Variants in SPTB observed in about 807,000 individuals in gnomAD.
SPTB encodes spectrin beta, erythrocytic.
A neutral mutation model predicts 256.2 loss-of-function variants in SPTB; 45 were observed. That is an observed-to-expected ratio of 0.18 (90% CI 0.14 to 0.23). SPTB has a LOEUF of 0.23. Ranked by LOEUF, SPTB falls within the 10% of genes least tolerant of loss-of-function variation. The pLI, the probability that SPTB is intolerant of heterozygous loss-of-function variation, is 1.00. For missense variants in SPTB, 2,715 were observed against 3,040.4 expected, an observed-to-expected ratio of 0.89 and a Z score of 2.52; for synonymous variants, 1,231 against 1,243.1, an observed-to-expected ratio of 0.99 and a Z score of 0.21.
At chr14:64,808,718 C>A (rs1269645297) in intron 2 of SPTB, among the ~76,000 whole-genome samples, 2 of 152,106 alleles carry the variant, frequency 1.3e-5, no homozygotes, top group East Asian at 3.9e-4. Flanking sequence ...TCAAACCCAC[C>A]AATTAACTTT....
At chr14:64,822,818 C>T (rs1566787338) in intron 2 of SPTB, 129 bp downstream of exon 2, 1 of 1,432,924 alleles carries the variant, frequency 7.0e-7, no homozygotes, top group Non-Finnish European at 9.8e-7. Flanking sequence ...CTGAGCCCGA[C>T]AAACACGTCT....
chr14:64,791,514 C>T (rs1323011957), intron 15 of SPTB, among the ~76,000 whole-genome samples: 2 of 138,636 alleles, frequency 1.4e-5, no homozygotes, highest in Admixed American at 7.7e-5. Context: ...TGCAGTGAGC[C>T]GAGATCGCAC....
Position 64,749,532 on chromosome 14 carries a change from C to G in SPTB, c.6820-59G>C. The G allele has an allele frequency of 6.9e-6, 11 of 1,599,634 alleles. No homozygotes were observed. The highest frequency in any genetic ancestry group is 9.3e-6 in the Non-Finnish European group (11 of 1,177,734). On this transcript the variant is annotated intron_variant, in intron 35 of 35. Transcript: ENST00000644917. The surrounding 1 kb of genome is among the most constrained non-coding windows in gnomAD (Gnocchi z 4.7). ...GCCCACAGCCCCCCACCTCCCGGGC[C>G]AGGCAACAATGGTGGGGGCTCTTGG...
At chr14:64,800,734 T>C (rs1309885159) in intron 8 of SPTB, 22 bp downstream of exon 8, 1 of 1,603,024 alleles carries the variant, frequency 6.2e-7, no homozygotes, top group South Asian at 1.1e-5. Flanking sequence ...GAGTGACACT[T>C]TGGTTCCAAA....
Position 64,795,021 on chromosome 14 carries a change from G to C in SPTB, c.1644+316C>G, listed in dbSNP as rs2082740127. On this transcript the variant is annotated intron_variant, in intron 12 of 35. Transcript: ENST00000644917. The surrounding 1 kb of genome is among the most constrained non-coding windows in gnomAD (Gnocchi z 6.5). ...ACCAGAGTCAAATTGTAATTACTAAGAGCTTGATTCTCCAGGTTCCTGATT... is the reference window on the plus strand; with the variant it reads ...ACCAGAGTCAAATTGTAATTACTAACAGCTTGATTCTCCAGGTTCCTGATT... Among the ~76,000 whole-genome samples, 1 of 152,208 alleles carries C rather than the reference G, an allele frequency of 6.6e-6. No homozygotes were observed.
At chr14:64,811,468 T>C (rs1244139181) in intron 2 of SPTB, among the ~76,000 whole-genome samples, 5 of 152,248 alleles carry the variant, frequency 3.3e-5, no homozygotes, top group Admixed American at 6.5e-5. Flanking sequence ...ATATCAAGTG[T>C]ATATTAGGTT....
At position 64,785,740 on chromosome 14, in the gene SPTB, C is replaced by T. The variant is rs150423485; in HGVS notation, c.3764+9G>A. On this transcript the variant is annotated intron_variant, in intron 17 of 35. Coordinates refer to ENST00000644917, the MANE Select transcript of SPTB (RefSeq NM_001355436.2). The surrounding 1 kb of genome is among the most constrained non-coding windows in gnomAD (Gnocchi z 4.4). ...CTGGGGGCCTCGTGGCCCTGGGGCC[C>T]GGGAGTACCTGTCCTCAATCAGCTG... 9.9e-4 allele frequency: 1,603 copies of T among 1,614,050 alleles called. 17 individuals are homozygous for T. The African/African-American group carries it at 0.018, about 19-fold the overall frequency.
chr14:64,868,501 C>T (rs565393994), intron 1 of SPTB, among the ~76,000 whole-genome samples: 7 of 152,294 alleles, frequency 4.6e-5, no homozygotes, highest in African/African-American at 1.7e-4. Context: ...AGGACAGCAG[C>T]AGACTGCTGT....
chr14:64,767,229 G>A, intron 31 of SPTB, 74 bp downstream of exon 31: 1 of 1,587,352 alleles, frequency 6.3e-7, no homozygotes, highest in Non-Finnish European at 8.6e-7. Flanking sequence ...CCAATGTCAG[G>A]TTTCTGATGA....
At chr14:64,761,406 G>A (rs2082092082) in intron 32 of SPTB, among the ~76,000 whole-genome samples, 1 of 152,206 alleles carries the variant, frequency 6.6e-6, no homozygotes, top group Admixed American at 6.5e-5. Context: ...AGCCAGGGCG[G>A]GGAGCTGAGG....
chr14:64,858,196 C>T (rs755765945), intron 1 of SPTB, among the ~76,000 whole-genome samples: 5 of 152,180 alleles, frequency 3.3e-5, no homozygotes, highest in Non-Finnish European at 5.9e-5. Flanking sequence ...ATGAAGTCAC[C>T]TCACGAGGAA....
At chr14:64,814,076 A>G (rs901693206) in intron 2 of SPTB, among the ~76,000 whole-genome samples, 2 of 152,226 alleles carry the variant, frequency 1.3e-5, no homozygotes, top group African/African-American at 4.8e-5. Context: ...GGGTGATTCT[A>G]AGATGGAACT....
chr14:64,853,929 C>T lies in SPTB; in HGVS notation c.-52+25863G>A, dbSNP rs1023732813. On this transcript the variant is annotated intron_variant, in intron 1 of 35. Coordinates refer to ENST00000644917, the MANE Select transcript of SPTB (RefSeq NM_001355436.2). This position sits in a 1 kb window ranked among gnomAD's most constrained non-coding sequence, Gnocchi z 4.3. ...ATCACTGGCCAGCCGCGGTGGCTCA[C>T]GCCTGTAATCCCAGTACTTTGGGAG... 2.0e-5 allele frequency among the ~76,000 whole-genome samples: 3 copies of T among 152,140 alleles called. No homozygotes were observed. Among genetic ancestry groups the T allele is most frequent in the South Asian group, 2.1e-4 (1 of 4,830 alleles).
chr14:64,775,209 T>C lies in SPTB; in HGVS notation c.4758A>G (p.Ala1586=), dbSNP rs2082338329. The C allele has an allele frequency of 6.2e-7, 1 of 1,613,790 alleles. No individual in the cohort carries two copies. Among genetic ancestry groups the C allele is most frequent in the African/African-American group, 1.3e-5 (1 of 74,948 alleles). ...RLQRLRDANE[A]QQYYLDADEA... is the part of the protein sequence containing the mutation. ...CGTCTGCATCCAGGTAGTACTGCTG[T>C]GCCTCGTTGGCGTCCCTCAGTCGCT... The change falls in exon 23 of 36, where the codon GCA becomes GCG. Residue 1586 remains alanine (A), a synonymous_variant. Coordinates refer to ENST00000644917, the MANE Select transcript of SPTB (RefSeq NM_001355436.2). The surrounding 1 kb of genome is among the most constrained non-coding windows in gnomAD (Gnocchi z 5.0).
intron 1 of SPTB, among the ~76,000 whole-genome samples, chr14:64,879,290 G>A (rs1882991537): frequency 6.6e-6 from 1 of 152,180 alleles, no homozygotes; most frequent in African/African-American, 2.4e-5. Context: ...TGTCCCTCCT[G>A]CCTGGGCGCT....
rs898815247 is a variant in SPTB at position 64,827,015 on chromosome 14, T to C, written c.-51-3870A>G. On this transcript the variant is annotated intron_variant, in intron 1 of 35. Transcript: ENST00000644917. This position sits in a 1 kb window ranked among gnomAD's most constrained non-coding sequence, Gnocchi z 4.6. Reference sequence around the variant, plus strand: ...ACAGCTCCAACCTTCACATCCGCCTTTGAGGTCCGATGCTAGGCTCAGAGC... The same window carrying C: ...ACAGCTCCAACCTTCACATCCGCCTCTGAGGTCCGATGCTAGGCTCAGAGC... 6.6e-6 allele frequency among the ~76,000 whole-genome samples: 1 copy of C among 152,162 alleles called. No individual in the cohort carries two copies. Among genetic ancestry groups the C allele is most frequent in the African/African-American group, 2.4e-5 (1 of 41,428 alleles).
At position 64,802,012 on chromosome 14, in the gene SPTB, C is replaced by T. The variant is rs1594792918; in HGVS notation, c.567-178G>A. On this transcript the variant is annotated intron_variant, in intron 5 of 35. Transcript: ENST00000644917. This position sits in a 1 kb window ranked among gnomAD's most constrained non-coding sequence, Gnocchi z 5.1. ...AGGCTCCCCCATCAGATGTGAACAC[C>T]ACACAGACCCCCCAGTCTGCCTGCA... Among the ~76,000 whole-genome samples the T allele has an allele frequency of 6.6e-6, 1 of 152,198 alleles. No homozygotes were observed. The highest frequency in any genetic ancestry group is 2.4e-5 in the African/African-American group (1 of 41,448).
rs2082716557 is a variant in SPTB, at chr14:64,793,661, C to A, written c.2002G>T (p.Asp668Tyr). The A allele has an allele frequency of 6.2e-7, 1 of 1,614,062 alleles. No homozygotes were observed. Among genetic ancestry groups the A allele is most frequent in the South Asian group, 1.1e-5 (1 of 91,092 alleles). Residue 668 changes from aspartate to tyrosine, a missense_variant, in exon 14 of 36, where the codon GAC becomes TAC. By Grantham distance (160) the Asp-to-Tyr change is radical. This residue lies in a region of SPTB where 2,239 missense variants were observed against 2,384.4 expected (regional missense o/e 0.94). Transcript: ENST00000644917. This position sits in a 1 kb window ranked among gnomAD's most constrained non-coding sequence, Gnocchi z 7.0. ...QIYSSLDYGK[D>Y]LTSVLILQRK... ...TGTAAGATGAGCACACTGGTCAGGT[C>A]TTTGCCATAGTCCAGGGAAGAATAG...
chr14:64,879,692 C>G (rs1286490854), intron 1 of SPTB, 100 bp downstream of exon 1: 2 of 152,320 alleles, frequency 1.3e-5, no homozygotes. Context: ...GCGCGTCAGG[C>G]GCCCCCTGGG....
Sources: gnomAD v4.1 joint callset for allele counts (sites outside exome capture counted in the v4.1 genomes callset) on GRCh38, gnomAD v4.1.1 for gene constraint, gnomAD v4.1.1 regional missense constraint, Gnocchi (gnomAD v3.1) non-coding constraint, MANE v1.5 for transcripts, NCBI Gene and HGNC (gene_info 2026-07-23, HGNC 2026-07-21) for gene names.